DENND2A: variants seen among roughly 807,000 people sequenced by gnomAD.
The protein encoded by DENND2A is DENN domain-containing protein 2A.
Under a neutral mutation model 105.3 loss-of-function variants are expected in DENND2A, and 53 were observed. That is an observed-to-expected ratio of 0.50 (90% confidence interval 0.40 to 0.63). DENND2A has a LOEUF of 0.63. DENND2A is among the 30% of genes least tolerant of loss of function. The pLI is 0.00. For missense variants in DENND2A, 1,138 were observed against 1,279.6 expected (o/e 0.89, Z 1.69); for synonymous variants, 522 against 508.4 (o/e 1.03, Z -0.36).
chr7:140,573,388 T>C (rs1432951020), intron 6 of DENND2A, among the ~76,000 whole-genome samples: 1 of 152,172 alleles, frequency 6.6e-6, no homozygotes, highest in Non-Finnish European at 1.5e-5. Context: ...CCTTTTTGGC[T>C]GCAAAGAGCC....
In DENND2A at chr7:140,518,649, G is replaced by A. The variant is rs1795744127; in HGVS notation, c.*58C>T. ...CCCAGCCTTTCAGAAAGGCCACCAG[G>A]AACTGTTTTTAAAGCATAGGGCTGC... is the stretch of plus-strand genomic sequence containing the variant. On this transcript the variant is annotated 3_prime_UTR_variant, in exon 20 of 20. Transcript: ENST00000496613. 3 of 1,568,048 alleles carry A rather than the reference G, an allele frequency of 1.9e-6. No individual in the cohort carries two copies. The highest frequency in any genetic ancestry group is 2.2e-5 in the South Asian group (2 of 89,354).
At chr7:140,568,219 C>A (rs1373919010) in intron 8 of DENND2A, among the ~76,000 whole-genome samples, 1 of 152,160 alleles carries the variant, frequency 6.6e-6, no homozygotes, top group Non-Finnish European at 1.5e-5. Flanking sequence ...GGATTACAGG[C>A]GTGAGCCACC....
At chr7:140,540,664 G>A (rs527442769) in intron 14 of DENND2A, among the ~76,000 whole-genome samples, 20 of 152,324 alleles carry the variant, frequency 1.3e-4, no homozygotes, top group South Asian at 4.1e-4. Flanking sequence ...GCAAAAAGGC[G>A]GAGGCGTCAA....
chr7:140,525,863 C>T, intron 15 of DENND2A, 71 bp from the exon 16 acceptor site: 1 of 1,342,334 alleles, frequency 7.4e-7, no homozygotes, highest in Non-Finnish European at 1.0e-6. Context: ...TCATAGCCTT[C>T]TTCCTTCTTG....
At position 140,563,270 on chromosome 7, in the gene DENND2A, A is replaced by C. The variant is rs542059345; in HGVS notation, c.1780-3453T>G. On this transcript the variant is annotated intron_variant, in intron 9 of 19. Transcript: ENST00000496613. ...TCACACATAGGACACACACAAATAC[A>C]GGCACACTTGTGCCTACCCACACGT... Among the ~76,000 whole-genome samples, 3 of 152,310 alleles carry C rather than the reference A, an allele frequency of 2.0e-5. No individual in the cohort carries two copies. The East Asian group carries it at 5.8e-4, about 29-fold the overall frequency.
At chr7:140,578,865 C>T (rs558895312) in intron 5 of DENND2A, among the ~76,000 whole-genome samples, 161 of 152,260 alleles carry the variant, frequency 1.1e-3, no homozygotes, top group African/African-American at 3.7e-3. Context: ...CAGCGTGAGA[C>T]TTCGTCTCAT....
rs7806874 is a variant in DENND2A, at chr7:140,566,827, G to A, written c.1779+259C>T. Among the ~76,000 whole-genome samples, 542 of 151,940 alleles carry A rather than the reference G, an allele frequency of 3.6e-3. 1 individual carries two copies. The highest frequency in any genetic ancestry group is 0.012 in the African/African-American group (485 of 41,444). ...TCAGCCTGAGTAGCTGGGACTGCAG[G>A]TGTGCGCCACCATGCATGGCTAATT... On this transcript the variant is annotated intron_variant, in intron 9 of 19. Coordinates refer to ENST00000496613, the MANE Select transcript of DENND2A (RefSeq NM_015689.5).
intron 5 of DENND2A, among the ~76,000 whole-genome samples, chr7:140,585,272 G>A (rs1319021604): frequency 5.3e-5 from 8 of 152,170 alleles, no homozygotes; most frequent in South Asian, 4.1e-4. Context: ...ATGCCTTTCC[G>A]TCTTGTATCT....
At position 140,555,694 on chromosome 7, in the gene DENND2A, C is replaced by T. The variant is rs1255378443; in HGVS notation, c.1979G>A (p.Arg660His). The change falls in exon 12 of 20, where the codon CGC becomes CAC. Residue 660 changes from arginine (R) to histidine (H), a missense_variant. Arg to His is a conservative substitution (Grantham distance 29, BLOSUM62 0). Around this residue, in one of 2 missense-constraint regions of DENND2A, gnomAD observed 627 missense variants for 779.8 expected, o/e 0.80. Transcript: ENST00000496613. The stretch of plus-strand genomic sequence containing the variant: ...CACAATGCAGTAAACTTCAGGAAGG[C>T]GCTTCCCTTTGCCTCCAGGCTTTTC... ...RRLLPGGKGK[R>H]LPEVYCIVSR... The T allele has an allele frequency of 9.3e-6, 15 of 1,606,986 alleles. No homozygotes were observed. Among genetic ancestry groups the T allele is most frequent in the Admixed American group, 3.5e-5 (2 of 57,602 alleles).
At chr7:140,628,356 C>T (rs772853832) in intron 1 of DENND2A, among the ~76,000 whole-genome samples, 3 of 152,132 alleles carry the variant, frequency 2.0e-5, no homozygotes, top group Admixed American at 1.3e-4. Flanking sequence ...GAAAGTAAGG[C>T]GGAGGTCGCC....
chr7:140,532,983 GCTAC>G (rs1364988480), intron 14 of DENND2A, among the ~76,000 whole-genome samples: 2 of 147,612 alleles, frequency 1.4e-5, no homozygotes, highest in Non-Finnish European at 3.0e-5. Flanking sequence ...CAAAGAAAAG[GCTAC>G]CTGCTTTTTT....
intron 1 of DENND2A, among the ~76,000 whole-genome samples, chr7:140,623,909 G>T (rs954967899): frequency 6.6e-6 from 1 of 152,098 alleles, no homozygotes; most frequent in Non-Finnish European, 1.5e-5. Context: ...AATTTCTGTG[G>T]GAAATTAAAA....
chr7:140,617,788 C>A (rs1464455214), intron 1 of DENND2A, among the ~76,000 whole-genome samples: 2 of 152,176 alleles, frequency 1.3e-5, no homozygotes, highest in Non-Finnish European at 2.9e-5. Context: ...ACAAATGAAG[C>A]CGCTGGGAAT....
Position 140,585,704 on chromosome 7 carries a change from G to C in DENND2A, c.1130C>G (p.Pro377Arg). The change falls in exon 5 of 20, where the codon CCA (proline) becomes CGA (arginine). Residue 377 changes from proline (P) to arginine (R), a missense_variant. By Grantham distance (103) the Pro-to-Arg change is moderately radical. This residue lies in a region of DENND2A where 511 missense variants were observed against 499.9 expected (regional missense o/e 1.02). Transcript: ENST00000496613. ...GTCCTCATAAGGGTTCTCCTTCATT[G>C]GCGGATCTGTGTTCAAAGGCAATGT... ...ENVYEDILDP[P>R]MKENPYEDIE... is the part of the protein sequence containing the mutation. 6.2e-7 allele frequency: 1 copy of C among 1,614,198 alleles called. No homozygotes were observed. The highest frequency in any genetic ancestry group is 8.5e-7 in the Non-Finnish European group (1 of 1,180,026).
intron 8 of DENND2A, 73 bp from the exon 9 acceptor site, chr7:140,567,346 CAG>C (rs1797893408): frequency 2.3e-6 from 2 of 885,918 alleles, no homozygotes. Context: ...GAGAGAGAGA[CAG>C]AGTGAGCAAA....
chr7:140,521,993 C>A lies in DENND2A; in HGVS notation c.2773G>T (p.Glu925Ter). The A allele has an allele frequency of 6.2e-7, 1 of 1,614,200 alleles. No individual in the cohort carries two copies. The highest frequency in any genetic ancestry group is 8.5e-7 in the Non-Finnish European group (1 of 1,180,044). Reference protein sequence around the residue: ...SLFLTSGEREERTLQREAFRK... With the variant: ...SLFLTSGERE ...AAGGCCTCCCGCTGCAGGGTTCTCT[C>A]CTCACGCTCGCCCGACGTCAGGAAC... The change falls in exon 18 of 20, where the codon GAG becomes TAG. Residue 925 changes from glutamate to a stop codon, truncating the protein, a stop_gained. Coordinates refer to ENST00000496613, the MANE Select transcript of DENND2A (RefSeq NM_015689.5). LOFTEE classifies it high-confidence loss of function.
chr7:140,586,366 A>AACACACACACACAC (rs10524571), intron 4 of DENND2A, among the ~76,000 whole-genome samples: 39 of 139,630 alleles, frequency 2.8e-4, no homozygotes, highest in Admixed American at 1.0e-3. Flanking sequence ...TAAAAAAGAA[A>AACACACACACACAC]ACACACACAC....
chr7:140,579,764 G>T lies in DENND2A; in HGVS notation c.1246-5756C>A, dbSNP rs184787093. Among the ~76,000 whole-genome samples the T allele has an allele frequency of 3.9e-5, 6 of 152,244 alleles. No individual in the cohort carries two copies. The East Asian group carries it at 1.2e-3, about 29-fold the overall frequency. ...CGGGAGGAAATAAACCAAAGTGTTA[G>T]CAGTGAGTGTTGGGGTTACATGCAC... On this transcript the variant is annotated intron_variant, in intron 5 of 19. Coordinates refer to ENST00000496613, the MANE Select transcript of DENND2A (RefSeq NM_015689.5).
intron 1 of DENND2A, among the ~76,000 whole-genome samples, chr7:140,637,918 T>C (rs1390307202): frequency 6.6e-6 from 1 of 152,192 alleles, no homozygotes; most frequent in Admixed American, 6.6e-5. Flanking sequence ...AAGGTACCAT[T>C]GTCTCCTTTG....
Sources: allele counts gnomAD v4.1 joint callset (sites outside exome capture counted in the v4.1 genomes callset), GRCh38; gene constraint gnomAD v4.1.1; regional missense constraint gnomAD v4.1.1; transcripts MANE v1.5; gene names NCBI Gene and HGNC (gene_info 2026-07-23, HGNC 2026-07-21).